The following COL4A1 variants were observed in gnomAD, a reference collection of about 807,000 sequenced individuals.
The protein encoded by COL4A1 is collagen type IV alpha 1 chain.
A neutral mutation model predicts 216.6 loss-of-function variants in COL4A1; 40 were observed. The ratio of observed to expected loss-of-function variants is 0.18; its 90% CI spans 0.14 to 0.24. The LOEUF is 0.24. COL4A1 is among the 10% of genes least tolerant of loss of function. The pLI, the probability that COL4A1 is intolerant of heterozygous loss-of-function variation, is 1.00. For missense variants in COL4A1, 1,628 were observed against 2,196.8 expected (o/e 0.74, Z 5.18); for synonymous variants, 839 against 810.7 (o/e 1.03, Z -0.59).
At chr13:110,226,430 TC>T (rs761241503) in intron 2 of COL4A1, among the ~76,000 whole-genome samples, 39 of 152,224 alleles carry the variant, frequency 2.6e-4, no homozygotes, top group Non-Finnish European at 4.4e-4. Context: ...CCAGATTACT[TC>T]CTTACCCCCA....
chr13:110,304,650 G>A (rs561694606), intron 1 of COL4A1, among the ~76,000 whole-genome samples: 20 of 152,186 alleles, frequency 1.3e-4, no homozygotes, highest in Non-Finnish European at 2.6e-4. Context: ...AGAGTGGTAG[G>A]TTCAGCGTGG....
At chr13:110,227,427 A>ACACACACACACACACAC (rs1555308840) in intron 2 of COL4A1, among the ~76,000 whole-genome samples, 1 of 130,432 alleles carries the variant, frequency 7.7e-6, no homozygotes, top group Non-Finnish European at 1.6e-5. Context: ...CACACACACA[A>ACACACACACACACACAC]ACACACACAA....
At position 110,149,599 on chromosome 13, in the gene COL4A1, TATG is replaced by T. The variant is rs747373232; in HGVS notation, c.*761_*763del. The stretch of plus-strand genomic sequence containing the variant: ...TTCAATATCCTAGTCTTTAAAAACC[TATG>T]TTAAAGGACAGCACAGTCTTTCAAA... On this transcript the variant is annotated 3_prime_UTR_variant, in exon 52 of 52. Transcript: ENST00000375820. 3 of 152,634 alleles carry T rather than the reference TATG, an allele frequency of 2.0e-5. No individual in the cohort carries two copies. Among genetic ancestry groups the T allele is most frequent in the Non-Finnish European group, 4.4e-5 (3 of 68,036 alleles). 9.5% of individuals were successfully genotyped at this position (152,634 alleles called of 1,614,324 possible). A position where few individuals can be genotyped will look rare whatever the true frequency, so the allele number is the denominator to read the frequency against.
intron 51 of COL4A1, among the ~76,000 whole-genome samples, chr13:110,151,379 G>A (rs1876490586): frequency 6.6e-6 from 1 of 151,886 alleles, no homozygotes; most frequent in Non-Finnish European, 1.5e-5. Context: ...TGAACAAAGT[G>A]CGCTCATTTT....
intron 1 of COL4A1, among the ~76,000 whole-genome samples, chr13:110,273,961 TC>T (rs1481827734): frequency 2.6e-5 from 4 of 152,130 alleles, no homozygotes; most frequent in Non-Finnish European, 5.9e-5. Flanking sequence ...AATCCTGACT[TC>T]AGAAGACAGA....
At chr13:110,249,821 G>A (rs1183116967) in intron 1 of COL4A1, among the ~76,000 whole-genome samples, 1 of 152,142 alleles carries the variant, frequency 6.6e-6, no homozygotes, top group East Asian at 1.9e-4. Context: ...AAATGTTGTA[G>A]TACAAATAAT....
intron 1 of COL4A1, among the ~76,000 whole-genome samples, chr13:110,277,545 G>A (rs1883475389): frequency 6.6e-6 from 1 of 152,172 alleles, no homozygotes; most frequent in African/African-American, 2.4e-5. Flanking sequence ...CAGCTTCCCA[G>A]GGTCTGCACT....
intron 2 of COL4A1, among the ~76,000 whole-genome samples, chr13:110,219,638 T>G (rs1880273133): frequency 7.7e-6 from 1 of 129,172 alleles, no homozygotes; most frequent in African/African-American, 3.0e-5. Context: ...AAGCCCATTG[T>G]AAGTTGAAAA....
At chr13:110,209,752 T>G in intron 10 of COL4A1, 1 of 763,608 alleles carries the variant, frequency 1.3e-6, no homozygotes, top group Admixed American at 1.7e-5. Flanking sequence ...ATTATTTGTT[T>G]CAGGGTATCA....
chr13:110,215,579 AC>A lies in COL4A1; in HGVS notation c.145-1565del, dbSNP rs201238044. ...CTGTCTCAAAAAAAAAAAAAAAACAACAACCCATAACCATTGTAAGAAATCA... is the reference window on the plus strand; with the variant it reads ...CTGTCTCAAAAAAAAAAAAAAAACAAAACCCATAACCATTGTAAGAAATCA... On this transcript the variant is annotated intron_variant, in intron 2 of 51. Coordinates refer to ENST00000375820, the MANE Select transcript of COL4A1 (RefSeq NM_001845.6). 4.9e-3 allele frequency among the ~76,000 whole-genome samples: 674 copies of A among 136,630 alleles called. 7 individuals carry two copies. Among genetic ancestry groups the A allele is most frequent in the Middle Eastern group, 0.015 (4 of 260 alleles). The allele number at this position is 136,630 out of a possible 152,430, so 89.6% of individuals were successfully genotyped here.
intron 8 of COL4A1, among the ~76,000 whole-genome samples, chr13:110,210,831 G>C (rs1054421533): frequency 1.3e-5 from 2 of 152,124 alleles, no homozygotes; most frequent in African/African-American, 4.8e-5. Context: ...TGGAGGAAGA[G>C]GGAATTCTGC....
intron 1 of COL4A1, among the ~76,000 whole-genome samples, chr13:110,257,085 AAGAT>A (rs1330259330): frequency 5.3e-5 from 8 of 152,354 alleles, no homozygotes; most frequent in African/African-American, 1.7e-4. Context: ...CTACTTATAA[AAGAT>A]AGATTCTGAA....
At chr13:110,246,259 TC>T (rs1466406041) in intron 1 of COL4A1, among the ~76,000 whole-genome samples, 1 of 152,100 alleles carries the variant, frequency 6.6e-6, no homozygotes, top group East Asian at 1.9e-4. Flanking sequence ...ACTATTCTGG[TC>T]CTTTCTGTCA....
intron 1 of COL4A1, among the ~76,000 whole-genome samples, chr13:110,285,792 C>G (rs190965692): frequency 1.7e-4 from 26 of 152,344 alleles, no homozygotes; most frequent in African/African-American, 6.3e-4. Flanking sequence ...CCCAGTTCCA[C>G]AGCTTGTAGA....
chr13:110,169,249 G>A (rs1430496955), intron 43 of COL4A1, among the ~76,000 whole-genome samples: 2 of 152,164 alleles, frequency 1.3e-5, no homozygotes, highest in African/African-American at 4.8e-5. Flanking sequence ...AGAGATGGCT[G>A]GGCTAGTTTT....
intron 1 of COL4A1, 108 bp downstream of exon 1, chr13:110,306,836 C>A: frequency 9.4e-7 from 1 of 1,066,566 alleles, no homozygotes; most frequent in Non-Finnish European, 1.2e-6. Flanking sequence ...CCGTGCCACG[C>A]GCGACCCCCG....
At chr13:110,154,323 G>T (rs1037180804) in intron 50 of COL4A1, among the ~76,000 whole-genome samples, 2 of 152,238 alleles carry the variant, frequency 1.3e-5, no homozygotes, top group African/African-American at 2.4e-5. Flanking sequence ...TCAAACAGGG[G>T]CCTTGTTTTC....
chr13:110,234,635 A>G (rs527952607), intron 2 of COL4A1, among the ~76,000 whole-genome samples: 7 of 152,312 alleles, frequency 4.6e-5, no homozygotes, highest in East Asian at 1.9e-4. Flanking sequence ...GGGGAACTGT[A>G]TATGACGCAG....
intron 1 of COL4A1, among the ~76,000 whole-genome samples, chr13:110,254,145 G>A (rs1882409930): frequency 6.6e-6 from 1 of 152,102 alleles, no homozygotes; most frequent in African/African-American, 2.4e-5. Context: ...GGATCACTTA[G>A]CTCCTAACAG....
Sources: gnomAD v4.1 joint callset for allele counts (sites outside exome capture counted in the v4.1 genomes callset) on GRCh38, gnomAD v4.1.1 for gene constraint, MANE v1.5 for transcripts, NCBI Gene and HGNC (gene_info 2026-07-23, HGNC 2026-07-21) for gene names.